Variants in CDH18 observed in about 807,000 individuals in gnomAD.
CDH18 encodes the protein cadherin 18.
In CDH18, 31 loss-of-function variants were observed where a neutral mutation model predicts 67.9. The ratio of observed to expected loss-of-function variants is 0.46; its 90% CI spans 0.34 to 0.62. The LOEUF (loss-of-function observed/expected upper bound fraction) is 0.62, where lower values mean the gene tolerates loss of function less well. CDH18 is among the 20% of genes least tolerant of loss of function. The pLI is 0.01. For missense variants in CDH18, 890 were observed against 975.5 expected, an observed-to-expected ratio of 0.91 and a Z score of 1.17; for synonymous variants, 362 against 347.2, an observed-to-expected ratio of 1.04 and a Z score of -0.48.
intron 1 of CDH18, among the ~76,000 whole-genome samples, chr5:20,531,103 G>T (rs2126553747): frequency 6.6e-6 from 1 of 152,174 alleles, no homozygotes; most frequent in African/African-American, 2.4e-5. Flanking sequence ...CTTCTCAAAA[G>T]AAGACTTTTA....
At chr5:20,481,598 A>G (rs550532628) in intron 1 of CDH18, among the ~76,000 whole-genome samples, 5 of 152,280 alleles carry the variant, frequency 3.3e-5, no homozygotes, top group Non-Finnish European at 2.9e-5. Flanking sequence ...AATTATAACA[A>G]AGATTTTCTC....
chr5:19,890,574 G>A (rs1254054338), intron 2 of CDH18, among the ~76,000 whole-genome samples: 1 of 149,610 alleles, frequency 6.7e-6, no homozygotes, highest in Non-Finnish European at 1.5e-5. Context: ...ATCAAACTCA[G>A]AACAGCATTA....
At position 19,981,104 on chromosome 5, in the gene CDH18, T is replaced by A. The variant is rs1377459524; in HGVS notation, c.-301A>T. On this transcript the variant is annotated 5_prime_UTR_variant, in exon 2 of 13. An upstream start codon of the reference 5' UTR is lost. Coordinates refer to ENST00000382275, the MANE Select transcript of CDH18 (RefSeq NM_004934.5). ...TGCTGTCACTCTGCTGCAGACACCA[T>A]CATCTCTCCCCAGAATTCTTGGGAT... The A allele has an allele frequency of 6.6e-6, 1 of 152,194 alleles. No homozygotes were observed. The highest frequency in any genetic ancestry group is 1.5e-5 in the Non-Finnish European group (1 of 68,060). The allele number at this position is 152,194 out of a possible 1,614,324, so 9.4% of individuals were successfully genotyped here.
rs114305269 is a variant in CDH18, at chr5:19,778,274, A to G, written c.229-31038T>C. ...TGGGAGACTGAACTTCCCTCCCCGC[A>G]GCCAATATCTGAAACACAACAAAGA... On this transcript the variant is annotated intron_variant, in intron 3 of 12. Coordinates refer to ENST00000382275, the MANE Select transcript of CDH18 (RefSeq NM_004934.5). Among the ~76,000 whole-genome samples, 804 of 152,298 alleles carry G rather than the reference A, an allele frequency of 5.3e-3. 4 individuals are homozygous for G. Among genetic ancestry groups the G allele is most frequent in the African/African-American group, 0.018 (767 of 41,582 alleles).
intron 5 of CDH18, among the ~76,000 whole-genome samples, chr5:19,651,940 A>G (rs562322872): frequency 6.6e-5 from 10 of 152,166 alleles, no homozygotes; most frequent in African/African-American, 2.4e-4. Context: ...TATACCATAT[A>G]TACATATTAA....
intron 1 of CDH18, chr5:20,304,933 T>C: frequency 6.2e-7 from 1 of 1,613,650 alleles, no homozygotes; most frequent in Non-Finnish European, 8.5e-7. Flanking sequence ...ATTCACGTGC[T>C]TCACTATCCA....
chr5:19,476,263 C>G (rs1182289851), intron 12 of CDH18, among the ~76,000 whole-genome samples: 1 of 152,134 alleles, frequency 6.6e-6, no homozygotes, highest in East Asian at 1.9e-4. Context: ...AGGGTCACTA[C>G]AGCAGACATG....
chr5:19,473,503 G>C lies in CDH18; in HGVS notation c.2096C>G (p.Pro699Arg), dbSNP rs1218468642. The change falls in exon 13 of 13, where the codon CCC (proline) becomes CGC (arginine). Residue 699 changes from proline to arginine, a missense_variant. Coordinates refer to ENST00000382275, the MANE Select transcript of CDH18 (RefSeq NM_004934.5). ...RDIRPEVKLT[P>R]RHQTSSTLES... ...CAGGGTGGATGATGTCTGGTGTCTG[G>C]GAGTGAGCTTCACTTCAGGTCTGAT... The C allele has an allele frequency of 1.2e-6, 2 of 1,613,596 alleles. No homozygotes were observed. Among genetic ancestry groups the C allele is most frequent in the African/African-American group, 1.3e-5 (1 of 74,840 alleles).
intron 2 of CDH18, among the ~76,000 whole-genome samples, chr5:20,042,770 T>C (rs1740546800): frequency 6.6e-6 from 1 of 152,062 alleles, no homozygotes; most frequent in Non-Finnish European, 1.5e-5. Flanking sequence ...GAGACCATCC[T>C]GGCTAACACA....
At chr5:20,237,045 C>CA (rs1172609675) in intron 2 of CDH18, among the ~76,000 whole-genome samples, 1 of 151,804 alleles carries the variant, frequency 6.6e-6, no homozygotes, top group African/African-American at 2.4e-5. Context: ...AAAAATCAAT[C>CA]AAAATGATAC....
At chr5:19,661,474 T>C (rs1425617209) in intron 5 of CDH18, among the ~76,000 whole-genome samples, 1 of 151,978 alleles carries the variant, frequency 6.6e-6, no homozygotes, top group African/African-American at 2.4e-5. Context: ...TAAAATAATA[T>C]TTAACTTTCT....
At chr5:19,551,566 T>C (rs1031214327) in intron 8 of CDH18, among the ~76,000 whole-genome samples, 3 of 152,164 alleles carry the variant, frequency 2.0e-5, no homozygotes, top group African/African-American at 7.2e-5. Context: ...TGAAGTGATA[T>C]GTGAAAATCA....
At chr5:20,459,973 C>A (rs575371732) in intron 1 of CDH18, among the ~76,000 whole-genome samples, 1 of 152,102 alleles carries the variant, frequency 6.6e-6, no homozygotes, top group Admixed American at 6.6e-5. Context: ...TCACTTATAT[C>A]CCAGAAGGGA....
At chr5:19,708,549 C>T (rs13154514) in intron 5 of CDH18, among the ~76,000 whole-genome samples, 85,375 of 152,028 alleles carry the variant, frequency 0.56, 27,146 homozygotes, top group East Asian at 0.74. Context: ...GTGACATACT[C>T]CTGATGGCTA....
chr5:20,032,204 G>A (rs917347005), intron 2 of CDH18, among the ~76,000 whole-genome samples: 12 of 151,216 alleles, frequency 7.9e-5, no homozygotes, highest in African/African-American at 2.9e-4. Context: ...GTATGCATGT[G>A]TATGTGTATT....
intron 3 of CDH18, among the ~76,000 whole-genome samples, chr5:19,800,355 C>A (rs1377061852): frequency 6.6e-6 from 1 of 151,880 alleles, no homozygotes; most frequent in African/African-American, 2.4e-5. Context: ...AACAATTGTG[C>A]CTATTCTTGG....
At chr5:20,366,410 C>A (rs543747740) in intron 1 of CDH18, among the ~76,000 whole-genome samples, 1 of 152,304 alleles carries the variant, frequency 6.6e-6, no homozygotes, top group African/African-American at 2.4e-5. Flanking sequence ...TTCTAATTCA[C>A]ATTAACTATT....
In CDH18 at chr5:19,815,479, T is replaced by C. The variant is rs1473754307; in HGVS notation, c.228+23280A>G. Among the ~76,000 whole-genome samples, 3 of 151,976 alleles carry C rather than the reference T, an allele frequency of 2.0e-5. No individual in the cohort carries two copies. In the East Asian group the frequency reaches 5.8e-4, roughly 29 times the overall value. On this transcript the variant is annotated intron_variant, in intron 3 of 12. Transcript: ENST00000382275. The stretch of plus-strand genomic sequence containing the variant: ...CTTTTTTCTAAAAAGCTTGAAACTT[T>C]CTATTTCCTTTTACATGATTTATTC...
intron 1 of CDH18, among the ~76,000 whole-genome samples, chr5:20,527,466 C>G (rs1274524748): frequency 2.0e-5 from 3 of 151,888 alleles, no homozygotes; most frequent in Non-Finnish European, 4.4e-5. Context: ...ATCAGATTCT[C>G]CAAGGTCAAA....
Sources: allele counts gnomAD v4.1 joint callset (sites outside exome capture counted in the v4.1 genomes callset), GRCh38; gene constraint gnomAD v4.1.1; transcripts MANE v1.5; gene names NCBI Gene and HGNC (gene_info 2026-07-23, HGNC 2026-07-21).